Variants in ZFYVE9 observed in about 807,000 individuals in gnomAD.
The protein encoded by ZFYVE9 is zinc finger FYVE domain-containing protein 9.
ZFYVE9 carries 43 observed loss-of-function variants against 126.7 expected under a neutral mutation model. The ratio of observed to expected loss-of-function variants is 0.34; its 90% CI spans 0.27 to 0.44. The LOEUF (loss-of-function observed/expected upper bound fraction) is 0.44. ZFYVE9 is among the 20% of genes least tolerant of loss of function. ZFYVE9 has a pLI of 1.00. For synonymous variants in ZFYVE9, 521 were observed against 597.4 expected (o/e 0.87, Z 1.87); for missense variants, 1,476 against 1,697.0 (o/e 0.87, Z 2.29).
chr1:52,172,654 G>C lies in ZFYVE9; in HGVS notation c.-143+30251G>C, dbSNP rs1238916906. ...ATGAGCATGGAATGTTCTTCCATTT[G>C]TTTGTATCCTCTTTTATTTCATTGA... On this transcript the variant is annotated intron_variant, in intron 1 of 18. Coordinates refer to ENST00000287727, the MANE Select transcript of ZFYVE9 (RefSeq NM_004799.4). 1.1e-3 allele frequency among the ~76,000 whole-genome samples: 169 copies of C among 152,188 alleles called. 2 individuals carry two copies. Among genetic ancestry groups the C allele is most frequent in the African/African-American group, 3.8e-3 (158 of 41,516 alleles).
At chr1:52,233,915 G>C (rs1645248244) in intron 3 of ZFYVE9, among the ~76,000 whole-genome samples, 1 of 152,044 alleles carries the variant, frequency 6.6e-6, no homozygotes, top group African/African-American at 2.4e-5. Flanking sequence ...AGAGTAGCTG[G>C]GATTCCATAC....
chr1:52,252,642 G>T, intron 4 of ZFYVE9: 1 of 301,938 alleles, frequency 3.3e-6, no homozygotes. Flanking sequence ...ACAGGCATGA[G>T]CCACCACGCC....
At chr1:52,152,343 G>A (rs72665078) in intron 1 of ZFYVE9, among the ~76,000 whole-genome samples, 6,146 of 152,120 alleles carry the variant, frequency 0.04, 180 homozygotes, top group Non-Finnish European at 0.06. Context: ...GTAGGCCTTA[G>A]TAATTAATAC....
intron 5 of ZFYVE9, among the ~76,000 whole-genome samples, chr1:52,264,731 C>G (rs1645616368): frequency 1.3e-5 from 2 of 152,204 alleles, no homozygotes; most frequent in African/African-American, 4.8e-5. Context: ...CCCTCCTGCT[C>G]TGTCCGTCTG....
At chr1:52,169,993 G>T (rs931475501) in intron 1 of ZFYVE9, among the ~76,000 whole-genome samples, 2 of 152,176 alleles carry the variant, frequency 1.3e-5, no homozygotes, top group Admixed American at 6.5e-5. Flanking sequence ...GAACAGCCAA[G>T]AATTCGTTTT....
In ZFYVE9 at chr1:52,332,884, C is replaced by T; in HGVS notation, c.3555C>T (p.Thr1185=). 1 of 1,613,986 alleles carries T rather than the reference C, an allele frequency of 6.2e-7. No individual in the cohort carries two copies. Among genetic ancestry groups the T allele is most frequent in the Non-Finnish European group, 8.5e-7 (1 of 1,180,002 alleles). ...AGAATGATGATGGAAACTATCAGAC[C>T]CAGGCTATCAGTATTCACAATCAGC... ...CVQNDDGNYQ[T]QAISIHNQPR... is the part of the protein sequence containing the mutation. The change falls in exon 14 of 19, where the codon ACC becomes ACT. Residue 1185 remains threonine (T), a synonymous_variant. Coordinates refer to ENST00000287727, the MANE Select transcript of ZFYVE9 (RefSeq NM_004799.4).
chr1:52,258,722 A>G (rs1464196860), intron 4 of ZFYVE9, among the ~76,000 whole-genome samples: 1 of 152,176 alleles, frequency 6.6e-6, no homozygotes, highest in Non-Finnish European at 1.5e-5. Flanking sequence ...TCACTACGTC[A>G]TAGTCTGGCG....
chr1:52,331,650 G>A (rs1006389265), intron 13 of ZFYVE9, among the ~76,000 whole-genome samples: 2 of 151,166 alleles, frequency 1.3e-5, no homozygotes, highest in South Asian at 2.1e-4. Context: ...TACTCGGGAG[G>A]CTGAGGCAGG....
At chr1:52,199,835 A>G (rs1172876791) in intron 1 of ZFYVE9, among the ~76,000 whole-genome samples, 1 of 152,186 alleles carries the variant, frequency 6.6e-6, no homozygotes, top group Non-Finnish European at 1.5e-5. Context: ...CATCCTCTCT[A>G]GCATTTGGTG....
chr1:52,226,261 AC>A (rs1332677477), intron 2 of ZFYVE9, among the ~76,000 whole-genome samples: 1 of 152,012 alleles, frequency 6.6e-6, no homozygotes, highest in East Asian at 1.9e-4. Flanking sequence ...GCTGGCATTC[AC>A]CCGTGCAAGC....
In ZFYVE9 at chr1:52,346,248, T is replaced by C. The variant is rs1314118712; in HGVS notation, c.*27T>C. ...CAGAGAAGACTTCATTTTTTTCTGT[T>C]CAGACTTGTTGCAACAGCAGTCATA... On this transcript the variant is annotated 3_prime_UTR_variant, in exon 19 of 19. Transcript: ENST00000287727. 2 of 1,548,610 alleles carry C rather than the reference T, an allele frequency of 1.3e-6. No individual in the cohort carries two copies. The highest frequency in any genetic ancestry group is 2.4e-5 in the South Asian group (2 of 84,228).
intron 1 of ZFYVE9, among the ~76,000 whole-genome samples, chr1:52,212,831 T>C (rs1645039876): frequency 1.3e-5 from 2 of 152,204 alleles, no homozygotes; most frequent in South Asian, 4.1e-4. Context: ...ATGTGAAATA[T>C]AAACATTATG....
rs532762463 is a variant in ZFYVE9, at chr1:52,172,282, C to A, written c.-143+29879C>A. Among the ~76,000 whole-genome samples, 8 of 152,230 alleles carry A rather than the reference C, an allele frequency of 5.3e-5. No individual in the cohort carries two copies. The East Asian group carries it at 1.5e-3, about 29-fold the overall frequency. On this transcript the variant is annotated intron_variant, in intron 1 of 18. Coordinates refer to ENST00000287727, the MANE Select transcript of ZFYVE9 (RefSeq NM_004799.4). ...AATCCTTTCCCCATTGCTTGTTTAT[C>A]TCAGATTTGTCAAAGATCAGATAGT...
Position 52,233,237 on chromosome 1 carries a change from A to C in ZFYVE9, c.31A>C (p.Asn11His). ...GAATTACTTCCAAGCAGAAGCTTAC[A>C]ACCTGGACAAGGTGTTAGATGAATT... MENYFQAEAY[N>H]LDKVLDEFEQ... Residue 11 changes from asparagine (N) to histidine (H), a missense_variant, in exon 3 of 19, where the codon AAC (asparagine) becomes CAC (histidine). Around this residue, in one of 2 missense-constraint regions of ZFYVE9, gnomAD observed 807 missense variants for 794.6 expected, o/e 1.02. Transcript: ENST00000287727. The C allele has an allele frequency of 6.3e-7, 1 of 1,587,130 alleles. No individual in the cohort carries two copies.
At chr1:52,147,143 T>A (rs1644313090) in intron 1 of ZFYVE9, among the ~76,000 whole-genome samples, 1 of 152,216 alleles carries the variant, frequency 6.6e-6, no homozygotes, top group Non-Finnish European at 1.5e-5. Flanking sequence ...TGCGTCAGAA[T>A]TCTAATCTGT....
Position 52,238,710 on chromosome 1 carries a change from T to G in ZFYVE9, c.1293T>G (p.Thr431=). 3 of 1,614,090 alleles carry G rather than the reference T, an allele frequency of 1.9e-6. No individual in the cohort carries two copies. Among genetic ancestry groups the G allele is most frequent in the Non-Finnish European group, 2.5e-6 (3 of 1,179,956 alleles). ...KFLQISQPED[T]NGDSGGQCVG... ...TACAGATTAGTCAGCCTGAGGACACTAATGGTGATAGTGGAGGACAGTGTG... is the reference window on the plus strand; with the variant it reads ...TACAGATTAGTCAGCCTGAGGACACGAATGGTGATAGTGGAGGACAGTGTG... Residue 431 remains threonine, a synonymous_variant, in exon 4 of 19, where the codon ACT becomes ACG. Coordinates refer to ENST00000287727, the MANE Select transcript of ZFYVE9 (RefSeq NM_004799.4).
At chr1:52,187,725 A>C (rs1287247738) in intron 1 of ZFYVE9, among the ~76,000 whole-genome samples, 1 of 152,238 alleles carries the variant, frequency 6.6e-6, no homozygotes, top group Non-Finnish European at 1.5e-5. Context: ...TGATCATTAG[A>C]GAAATGCAAA....
chr1:52,160,171 C>G (rs184105574), intron 1 of ZFYVE9: 4 of 646,338 alleles, frequency 6.2e-6, no homozygotes, highest in Non-Finnish European at 1.1e-5. Context: ...TGAAGCTCTA[C>G]GAGGCTGTGA....
intron 2 of ZFYVE9, among the ~76,000 whole-genome samples, chr1:52,219,226 T>C (rs1015338781): frequency 6.6e-6 from 1 of 152,030 alleles, no homozygotes; most frequent in Non-Finnish European, 1.5e-5. Context: ...TTCCACAGGG[T>C]ATGACAAGAC....
Sources: allele counts gnomAD v4.1 joint callset (sites outside exome capture counted in the v4.1 genomes callset), GRCh38; gene constraint gnomAD v4.1.1; regional missense constraint gnomAD v4.1.1; transcripts MANE v1.5; gene names NCBI Gene and HGNC (gene_info 2026-07-23, HGNC 2026-07-21).